The following IL1RAPL2 variants were observed in gnomAD, a reference collection of about 807,000 sequenced individuals.
IL1RAPL2 encodes the protein X-linked interleukin-1 receptor accessory protein-like 2.
Under a neutral mutation model 44.1 loss-of-function variants are expected in IL1RAPL2, and 3 were observed. That is an observed-to-expected ratio of 0.07 (90% CI 0.03 to 0.18). The LOEUF (loss-of-function observed/expected upper bound fraction) is 0.18, where lower values mean the gene tolerates loss of function less well. IL1RAPL2 is among the 10% of genes least tolerant of loss of function. The pLI is 1.00. For synonymous variants in IL1RAPL2, 181 were observed against 178.8 expected (o/e 1.01, Z -0.10); for missense variants, 391 against 496.4 (o/e 0.79, Z 2.02).
chrX:105,661,649 G>A (rs1162381467), intron 6 of IL1RAPL2, among the ~76,000 whole-genome samples: 2 of 111,723 alleles, frequency 1.8e-5, no homozygotes, highest in African/African-American at 6.5e-5. Flanking sequence ...AATACATGGA[G>A]GCTGGTCTGA....
At chrX:105,574,097 T>A (rs2037033838) in intron 6 of IL1RAPL2, among the ~76,000 whole-genome samples, 1 of 111,838 alleles carries the variant, frequency 8.9e-6, no homozygotes. Flanking sequence ...AGAGGGAATG[T>A]CAAATGTCTA....
At chrX:105,287,294 C>T (rs1242241534) in intron 5 of IL1RAPL2, among the ~76,000 whole-genome samples, 1 of 111,184 alleles carries the variant, frequency 9.0e-6, no homozygotes, top group East Asian at 2.8e-4. Flanking sequence ...AAAGGGTCAG[C>T]ATGTGCAAGC....
At chrX:104,635,330 C>A (rs1413568675) in intron 1 of IL1RAPL2, among the ~76,000 whole-genome samples, 7 of 109,785 alleles carry the variant, frequency 6.4e-5, no homozygotes, top group African/African-American at 2.3e-4. Context: ...CTTGGAGTTG[C>A]TCTTCTCGAG....
At chrX:105,404,601 G>T (rs1477709647) in intron 5 of IL1RAPL2, among the ~76,000 whole-genome samples, 1 of 111,378 alleles carries the variant, frequency 9.0e-6, no homozygotes, top group Non-Finnish European at 1.9e-5. Flanking sequence ...AGATGTAGTG[G>T]TTGGTAGGGA....
rs72616889 is a variant in IL1RAPL2, at chrX:105,222,676, G to A, written c.357-11142G>A. ...TGGAAATAGGGATGGAGAGAAGAGT[G>A]TAGAGAGCCATTTGGTAGATAGAAT... On this transcript the variant is annotated intron_variant, in intron 3 of 10. Coordinates refer to ENST00000372582, the MANE Select transcript of IL1RAPL2 (RefSeq NM_017416.2). 3.0e-3 allele frequency among the ~76,000 whole-genome samples: 331 copies of A among 111,970 alleles called. 10 individuals are homozygous for A. The East Asian group carries it at 0.082, about 28-fold the overall frequency.
chrX:105,347,272 T>G (rs969907806), intron 5 of IL1RAPL2, among the ~76,000 whole-genome samples: 1 of 111,578 alleles, frequency 9.0e-6, no homozygotes, highest in African/African-American at 3.3e-5. Context: ...TAATGGTCTC[T>G]GGAGTCAGGC....
intron 2 of IL1RAPL2, among the ~76,000 whole-genome samples, chrX:105,020,145 A>T (rs1334389601): frequency 1.8e-5 from 2 of 108,926 alleles, no homozygotes; most frequent in Non-Finnish European, 1.9e-5. Flanking sequence ...AGCTATTTTT[A>T]AAATTTTTTG....
chrX:104,954,175 A>G (rs2147712344), intron 2 of IL1RAPL2, among the ~76,000 whole-genome samples: 1 of 112,598 alleles, frequency 8.9e-6, no homozygotes, highest in Admixed American at 9.4e-5. Flanking sequence ...AGCACTCCAT[A>G]GATAAAGCAT....
At position 105,394,224 on chromosome X, in the gene IL1RAPL2, G is replaced by C. The variant is rs764399975; in HGVS notation, c.698-90089G>C. Reference sequence around the variant, plus strand: ...TAGCCATTAGAAAAAGATCTTTTTGGATTTGCTAAAACTTATTTTATATTT... The same window carrying C: ...TAGCCATTAGAAAAAGATCTTTTTGCATTTGCTAAAACTTATTTTATATTT... On this transcript the variant is annotated intron_variant, in intron 5 of 10. Coordinates refer to ENST00000372582, the MANE Select transcript of IL1RAPL2 (RefSeq NM_017416.2). Among the ~76,000 whole-genome samples the C allele has an allele frequency of 1.2e-4, 13 of 111,955 alleles. No homozygotes were observed. The South Asian group carries it at 1.9e-3, about 16-fold the overall frequency.
At chrX:105,212,280 G>A (rs139349115) in intron 3 of IL1RAPL2, among the ~76,000 whole-genome samples, 1,355 of 112,031 alleles carry the variant, frequency 0.012, 24 homozygotes, top group African/African-American at 0.042. Context: ...TTTGTTGGCG[G>A]AGTGGTGTTC....
chrX:105,352,756 T>A (rs1167143940), intron 5 of IL1RAPL2, among the ~76,000 whole-genome samples: 1 of 110,070 alleles, frequency 9.1e-6, no homozygotes, highest in Non-Finnish European at 1.9e-5. Context: ...TTCATATCCT[T>A]CGCCCACTTG....
At chrX:105,648,693 A>T (rs763828736) in intron 6 of IL1RAPL2, among the ~76,000 whole-genome samples, 1 of 112,257 alleles carries the variant, frequency 8.9e-6, no homozygotes, top group African/African-American at 3.2e-5. Context: ...TGTTTAACGT[A>T]GTTGGCACTG....
intron 5 of IL1RAPL2, among the ~76,000 whole-genome samples, chrX:105,464,730 G>A (rs1015641001): frequency 9.0e-6 from 1 of 111,348 alleles, no homozygotes; most frequent in Non-Finnish European, 1.9e-5. Context: ...GAAACTTAAG[G>A]TAAGGTAAAA....
At chrX:105,256,078 A>G (rs767983553) in intron 4 of IL1RAPL2, among the ~76,000 whole-genome samples, 2 of 111,681 alleles carry the variant, frequency 1.8e-5, no homozygotes, top group Admixed American at 9.5e-5. Context: ...GGATTTCTGC[A>G]TTGAAGTACA....
chrX:105,087,195 C>A (rs780248882), intron 2 of IL1RAPL2, among the ~76,000 whole-genome samples: 3 of 111,421 alleles, frequency 2.7e-5, no homozygotes, highest in Non-Finnish European at 5.7e-5. Context: ...CTTCATCCTG[C>A]CACTTATTGG....
chrX:104,708,349 C>T (rs947689637), intron 2 of IL1RAPL2, among the ~76,000 whole-genome samples: 2 of 110,662 alleles, frequency 1.8e-5, no homozygotes, highest in African/African-American at 6.6e-5. Context: ...TTATTTTTAT[C>T]TCCTCATGCC....
At chrX:105,731,498 G>A (rs1246158340) in intron 7 of IL1RAPL2, among the ~76,000 whole-genome samples, 1 of 110,765 alleles carries the variant, frequency 9.0e-6, no homozygotes, top group African/African-American at 3.3e-5. Context: ...TATCTCAAAG[G>A]CATACCTGAA....
chrX:104,611,393 G>C (rs1294335988), intron 1 of IL1RAPL2, among the ~76,000 whole-genome samples: 1 of 111,022 alleles, frequency 9.0e-6, no homozygotes. Flanking sequence ...GCCTTGCTGA[G>C]CTGTGGTGGG....
At chrX:104,914,891 G>C (rs1924365678) in intron 2 of IL1RAPL2, among the ~76,000 whole-genome samples, 1 of 111,666 alleles carries the variant, frequency 9.0e-6, no homozygotes. Context: ...CAAAGGACAT[G>C]AACTCATCCT....
Sources: allele counts gnomAD v4.1 joint callset (sites outside exome capture counted in the v4.1 genomes callset), GRCh38; gene constraint gnomAD v4.1.1; transcripts MANE v1.5; gene names NCBI Gene and HGNC (gene_info 2026-07-23, HGNC 2026-07-21).